Variants in IL1RAPL1 observed in about 807,000 individuals in gnomAD.
IL1RAPL1 encodes interleukin-1 receptor accessory protein-like 1.
IL1RAPL1 carries 3 observed loss-of-function variants against 48.4 expected under a neutral mutation model. That is an observed-to-expected ratio of 0.06 (90% CI 0.03 to 0.16). IL1RAPL1 has a LOEUF of 0.16. Ranked by LOEUF, IL1RAPL1 falls within the 10% of genes least tolerant of loss-of-function variation. The probability of loss-of-function intolerance (pLI) is 1.00; values close to 1 mark genes in which losing one functional copy is unlikely to be tolerated. For synonymous variants in IL1RAPL1, 185 were observed against 187.7 expected, an observed-to-expected ratio of 0.99 and a Z score of 0.12; for missense variants, 349 against 530.6, an observed-to-expected ratio of 0.66 and a Z score of 3.36.
At chrX:29,675,773 T>TA (rs1926268661) in intron 6 of IL1RAPL1, among the ~76,000 whole-genome samples, 1 of 111,030 alleles carries the variant, frequency 9.0e-6, no homozygotes, top group Admixed American at 9.6e-5. Context: ...GTATTTTTAG[T>TA]AGAGACGGGG....
At chrX:28,974,280 CAATT>C (rs1467225630) in intron 2 of IL1RAPL1, among the ~76,000 whole-genome samples, 4 of 111,761 alleles carry the variant, frequency 3.6e-5, no homozygotes, top group Non-Finnish European at 5.6e-5. Context: ...TATTTGGTGA[CAATT>C]AAATGAGATA....
At chrX:29,865,700 G>A (rs1931677991) in intron 6 of IL1RAPL1, among the ~76,000 whole-genome samples, 2 of 96,324 alleles carry the variant, frequency 2.1e-5, no homozygotes, top group South Asian at 5.3e-4. Flanking sequence ...GCAGTAGTGC[G>A]ATCTCCACTC....
chrX:29,384,069 T>C (rs899725529), intron 3 of IL1RAPL1, among the ~76,000 whole-genome samples: 7 of 112,409 alleles, frequency 6.2e-5, no homozygotes, highest in African/African-American at 2.3e-4. Context: ...GGAATTTATA[T>C]ATAATGTGGA....
intron 2 of IL1RAPL1, among the ~76,000 whole-genome samples, chrX:29,088,331 A>G (rs1927999452): frequency 8.9e-6 from 1 of 111,803 alleles, no homozygotes; most frequent in African/African-American, 3.2e-5. Context: ...TACAAAGTGA[A>G]CTGGGAAGAA....
chrX:29,299,591 C>T (rs888114404), intron 3 of IL1RAPL1, among the ~76,000 whole-genome samples: 2 of 111,470 alleles, frequency 1.8e-5, no homozygotes, highest in Admixed American at 9.5e-5. Flanking sequence ...AAATTATAAT[C>T]GTATGTCTAA....
chrX:29,397,196 T>C (rs1933929705), intron 4 of IL1RAPL1, among the ~76,000 whole-genome samples: 1 of 112,133 alleles, frequency 8.9e-6, no homozygotes, highest in African/African-American at 3.2e-5. Flanking sequence ...TTATACATAG[T>C]TTAAAGAATC....
chrX:29,234,659 G>C (rs749231177), intron 2 of IL1RAPL1, among the ~76,000 whole-genome samples: 5 of 111,973 alleles, frequency 4.5e-5, no homozygotes, highest in Non-Finnish European at 7.5e-5. Flanking sequence ...CAAGAAGAGG[G>C]AAGGTATATA....
At chrX:29,321,240 C>G (rs979452406) in intron 3 of IL1RAPL1, among the ~76,000 whole-genome samples, 4 of 111,480 alleles carry the variant, frequency 3.6e-5, no homozygotes, top group Admixed American at 9.5e-5. Context: ...TTTGTTCTTT[C>G]TAAAAGGTAG....
intron 1 of IL1RAPL1, among the ~76,000 whole-genome samples, chrX:28,634,190 A>G (rs1159628140): frequency 9.1e-6 from 1 of 109,632 alleles, no homozygotes; most frequent in Non-Finnish European, 1.9e-5. Context: ...TTGTATTTTT[A>G]GTAGAGATCA....
chrX:29,885,815 T>A (rs1046347322), intron 6 of IL1RAPL1, among the ~76,000 whole-genome samples: 2 of 111,110 alleles, frequency 1.8e-5, no homozygotes, highest in Middle Eastern at 8.4e-3. Context: ...CAAGACCCTG[T>A]CTCAAAAAAA....
chrX:29,913,444 A>C (rs1328374599), intron 6 of IL1RAPL1, among the ~76,000 whole-genome samples: 1 of 110,043 alleles, frequency 9.1e-6, no homozygotes, highest in South Asian at 3.9e-4. Flanking sequence ...AAACACACAT[A>C]TATATACATA....
intron 5 of IL1RAPL1, among the ~76,000 whole-genome samples, chrX:29,502,090 A>G (rs1033081077): frequency 9.0e-5 from 10 of 111,232 alleles, no homozygotes; most frequent in Admixed American, 1.9e-4. Flanking sequence ...TGTAGCTATT[A>G]TAAATGAGAT....
At chrX:28,599,466 G>A (rs1933996110) in intron 1 of IL1RAPL1, among the ~76,000 whole-genome samples, 1 of 110,981 alleles carries the variant, frequency 9.0e-6, no homozygotes, top group South Asian at 3.8e-4. Flanking sequence ...AATGGCACAG[G>A]GTAGGCCCCT....
chrX:29,237,896 AAAT>A (rs1931339584), intron 2 of IL1RAPL1, among the ~76,000 whole-genome samples: 1 of 112,482 alleles, frequency 8.9e-6, no homozygotes, highest in African/African-American at 3.2e-5. Flanking sequence ...TAATTGCATA[AAAT>A]AATTTGATTG....
rs149054370 is a variant in IL1RAPL1, at chrX:29,562,578, T to C, written c.704-105852T>C. Reference sequence around the variant, plus strand: ...TTAACATTAATGGGATGTGAATGTTTATAATAAAAGACAAAAAGATGAGCT... The same window carrying C: ...TTAACATTAATGGGATGTGAATGTTCATAATAAAAGACAAAAAGATGAGCT... On this transcript the variant is annotated intron_variant, in intron 5 of 10. Coordinates refer to ENST00000378993, the MANE Select transcript of IL1RAPL1 (RefSeq NM_014271.4). Among the ~76,000 whole-genome samples, 464 of 111,941 alleles carry C rather than the reference T, an allele frequency of 4.1e-3. 2 individuals are homozygous for C. The highest frequency in any genetic ancestry group is 0.015 in the African/African-American group (448 of 30,861).
At chrX:29,476,702 G>T (rs1217234215) in intron 5 of IL1RAPL1, among the ~76,000 whole-genome samples, 1 of 109,443 alleles carries the variant, frequency 9.1e-6, no homozygotes, top group Non-Finnish European at 1.9e-5. Context: ...GGCAAGGGCA[G>T]TATTAAACTG....
chrX:29,012,686 A>G (rs895540755), intron 2 of IL1RAPL1, among the ~76,000 whole-genome samples: 2 of 112,190 alleles, frequency 1.8e-5, no homozygotes, highest in African/African-American at 6.5e-5. Context: ...GGATGAGACA[A>G]TGGAGAAGAT....
At chrX:29,162,026 C>T (rs1929694769) in intron 2 of IL1RAPL1, among the ~76,000 whole-genome samples, 1 of 111,763 alleles carries the variant, frequency 8.9e-6, no homozygotes, top group Non-Finnish European at 1.9e-5. Context: ...ACTATGCAGC[C>T]ATAAAAAAGA....
intron 5 of IL1RAPL1, among the ~76,000 whole-genome samples, chrX:29,501,246 T>C (rs140801310): frequency 0.013 from 1,423 of 111,626 alleles, 26 homozygotes; most frequent in African/African-American, 0.043. Flanking sequence ...ATTCTATGTG[T>C]TGTCTCTTTA....
Sources: allele counts gnomAD v4.1 joint callset (sites outside exome capture counted in the v4.1 genomes callset), GRCh38; gene constraint gnomAD v4.1.1; transcripts MANE v1.5; gene names NCBI Gene and HGNC (gene_info 2026-07-23, HGNC 2026-07-21).